The following TENM2 variants were observed in gnomAD, a reference collection of about 807,000 sequenced individuals.
The protein encoded by TENM2 is teneurin transmembrane protein 2.
TENM2 carries 52 observed loss-of-function variants against 245.2 expected under a neutral mutation model. That is an observed-to-expected ratio of 0.21 (90% CI 0.17 to 0.27). The LOEUF (loss-of-function observed/expected upper bound fraction) is 0.27. Ranked by LOEUF, TENM2 falls within the 10% of genes least tolerant of loss-of-function variation. The probability of loss-of-function intolerance (pLI) is 1.00; values close to 1 mark genes in which losing one functional copy is unlikely to be tolerated. For missense variants in TENM2, 3,046 were observed against 3,666.8 expected (o/e 0.83, Z 4.37); for synonymous variants, 1,363 against 1,438.9 (o/e 0.95, Z 1.19).
At chr5:167,315,187 C>G (rs959901693) in intron 1 of TENM2, among the ~76,000 whole-genome samples, 1 of 151,968 alleles carries the variant, frequency 6.6e-6, no homozygotes, top group African/African-American at 2.4e-5. Context: ...TATCAAACTG[C>G]TTATCAAATG....
intron 3 of TENM2, among the ~76,000 whole-genome samples, chr5:167,891,497 G>T (rs180780156): frequency 4.1e-4 from 62 of 152,280 alleles, no homozygotes; most frequent in African/African-American, 1.4e-3. Flanking sequence ...GCCATGAAAA[G>T]GTCAGGTGAG....
chr5:168,022,465 C>A (rs1581084522), intron 5 of TENM2, among the ~76,000 whole-genome samples: 1 of 152,246 alleles, frequency 6.6e-6, no homozygotes, highest in East Asian at 1.9e-4. Flanking sequence ...GTTATGTTTT[C>A]ATTGTCTAGC....
chr5:167,421,639 C>G (rs765123147), intron 2 of TENM2, among the ~76,000 whole-genome samples: 1 of 152,204 alleles, frequency 6.6e-6, no homozygotes, highest in Non-Finnish European at 1.5e-5. Flanking sequence ...CGTCCATTAG[C>G]TCTGTGGACT....
At chr5:167,713,561 C>T (rs1759049798) in intron 2 of TENM2, among the ~76,000 whole-genome samples, 1 of 152,136 alleles carries the variant, frequency 6.6e-6, no homozygotes, top group Non-Finnish European at 1.5e-5. Flanking sequence ...CAGGCATGCG[C>T]ACACCCCCAC....
intron 2 of TENM2, among the ~76,000 whole-genome samples, chr5:167,842,503 T>C (rs932181720): frequency 1.4e-5 from 2 of 143,608 alleles, no homozygotes; most frequent in Non-Finnish European, 3.0e-5. Context: ...GCAGGAGAAT[T>C]GCTTGAGCCT....
At chr5:167,773,043 A>G (rs1262968131) in intron 2 of TENM2, among the ~76,000 whole-genome samples, 3 of 152,228 alleles carry the variant, frequency 2.0e-5, no homozygotes, top group African/African-American at 7.2e-5. Context: ...TTAAATTCTC[A>G]CTGCTCACCA....
chr5:168,225,174 C>T (rs1021438049), intron 23 of TENM2, among the ~76,000 whole-genome samples: 1 of 152,086 alleles, frequency 6.6e-6, no homozygotes, highest in Non-Finnish European at 1.5e-5. Flanking sequence ...GGAGCCATGG[C>T]GGTTTAGTGG....
intron 2 of TENM2, among the ~76,000 whole-genome samples, chr5:167,657,240 T>C (rs1294751217): frequency 6.6e-6 from 1 of 152,240 alleles, no homozygotes; most frequent in Non-Finnish European, 1.5e-5. Context: ...ACGTTTAACT[T>C]TCTGTTCCTG....
chr5:168,218,780 A>G lies in TENM2; in HGVS notation c.4889A>G (p.Asp1630Gly), dbSNP rs766587526. Reference sequence around the variant, plus strand: ...GACAATGATGTCACTGAATTGATTGACAATAATGGGAATTCCCTGAAGATC... The same window carrying G: ...GACAATGATGTCACTGAATTGATTGGCAATAATGGGAATTCCCTGAAGATC... Residue 1630 changes from aspartate to glycine, a missense_variant, in exon 23 of 29, where the codon GAC becomes GGC. Physicochemically the swap from Asp to Gly is moderately conservative, Grantham distance 94. Coordinates refer to ENST00000518659, the Ensembl canonical transcript of TENM2. The surrounding 1 kb of genome is among the most constrained non-coding windows in gnomAD (Gnocchi z 5.2). 2 of 1,613,994 alleles carry G rather than the reference A, an allele frequency of 1.2e-6. No individual in the cohort carries two copies. The highest frequency in any genetic ancestry group is 1.7e-6 in the Non-Finnish European group (2 of 1,179,880).
chr5:167,717,366 G>A (rs1467144936), intron 2 of TENM2, among the ~76,000 whole-genome samples: 1 of 151,982 alleles, frequency 6.6e-6, no homozygotes. Flanking sequence ...TGACCCTCCC[G>A]CTACCCGCCT....
At chr5:167,722,544 G>C (rs1358897243) in intron 2 of TENM2, among the ~76,000 whole-genome samples, 1 of 152,058 alleles carries the variant, frequency 6.6e-6, no homozygotes, top group Non-Finnish European at 1.5e-5. Flanking sequence ...AAAAGAAAAA[G>C]GGATACAGAT....
chr5:167,197,543 A>G, the TENM2 span, among the ~76,000 whole-genome samples: 1 of 152,078 alleles, frequency 6.6e-6, no homozygotes, highest in Non-Finnish European at 1.5e-5. Context: ...TTTGTGATCA[A>G]AATCTGTTTT....
the TENM2 span, chr5:167,119,398 A>G: frequency 6.6e-6 from 1 of 152,234 alleles, no homozygotes; most frequent in African/African-American, 2.4e-5. Context: ...ATCCGCATTT[A>G]GTCCATTTTG....
chr5:168,245,862 T>A (rs1766515919), intron 26 of TENM2, among the ~76,000 whole-genome samples: 1 of 152,080 alleles, frequency 6.6e-6, no homozygotes, highest in Non-Finnish European at 1.5e-5. Context: ...AACCTCCCAA[T>A]TGCCTCTAAT....
intron 2 of TENM2, among the ~76,000 whole-genome samples, chr5:167,643,536 T>G (rs1779741582): frequency 6.6e-6 from 1 of 152,206 alleles, no homozygotes; most frequent in African/African-American, 2.4e-5. Flanking sequence ...GAATATTTAT[T>G]TATACCTCTA....
At chr5:167,003,163 C>T in the TENM2 span, among the ~76,000 whole-genome samples, 30 of 152,140 alleles carry the variant, frequency 2.0e-4, no homozygotes, top group Non-Finnish European at 3.4e-4. Context: ...TACTTTAAAC[C>T]ATGCAAGTGA....
intron 2 of TENM2, among the ~76,000 whole-genome samples, chr5:167,768,287 A>G (rs564668053): frequency 6.6e-6 from 1 of 152,296 alleles, no homozygotes; most frequent in African/African-American, 2.4e-5. Flanking sequence ...TGCTATAGAA[A>G]CAAGCAATGG....
At chr5:168,186,049 A>T (rs1161401944) in intron 13 of TENM2, 1 of 149,990 alleles carries the variant, frequency 6.7e-6, no homozygotes, top group Non-Finnish European at 1.5e-5. Flanking sequence ...ACCCTATGGC[A>T]TATGTACAAT....
In TENM2 at chr5:167,459,463, G is replaced by A. The variant is rs544863537; in HGVS notation, c.502+83990G>A. ...GAATAATGCTGCTATGTACATGGTT[G>A]TATAAATATCTCTCTCATACTCTAT... On this transcript the variant is annotated intron_variant, in intron 2 of 28. Transcript: ENST00000518659. Among the ~76,000 whole-genome samples the A allele has an allele frequency of 4.6e-5, 7 of 152,252 alleles. No homozygotes were observed. The East Asian group carries it at 1.4e-3, about 29-fold the overall frequency.
Sources: gnomAD v4.1 joint callset for allele counts (sites outside exome capture counted in the v4.1 genomes callset) on GRCh38, gnomAD v4.1.1 for gene constraint, Gnocchi (gnomAD v3.1) non-coding constraint, MANE v1.5 for transcripts, NCBI Gene and HGNC (gene_info 2026-07-23, HGNC 2026-07-21) for gene names.